SLC39A11: variants seen among roughly 807,000 people sequenced by gnomAD.
SLC39A11 encodes the protein zinc transporter ZIP11.
A neutral mutation model predicts 36.1 loss-of-function variants in SLC39A11; 33 were observed. That is an observed-to-expected ratio of 0.91 (90% CI 0.69 to 1.22). The LOEUF is 1.22. SLC39A11 is among the 50% of genes most tolerant of loss of function. The probability of loss-of-function intolerance (pLI) is 0.00; values close to 1 mark genes in which losing one functional copy is unlikely to be tolerated. For missense variants in SLC39A11, 432 were observed against 430.3 expected, an observed-to-expected ratio of 1.00 and a Z score of -0.03; for synonymous variants, 166 against 170.3, an observed-to-expected ratio of 0.97 and a Z score of 0.20.
At chr17:72,973,428 C>A (rs540086811) in intron 4 of SLC39A11, among the ~76,000 whole-genome samples, 1 of 152,168 alleles carries the variant, frequency 6.6e-6, no homozygotes, top group Admixed American at 6.5e-5. Context: ...GGGACAACCT[C>A]CCTGATGACT....
At position 73,065,793 on chromosome 17, in the gene SLC39A11, A is replaced by G. The variant is rs370410640; in HGVS notation, c.147+19015T>C. Among the ~76,000 whole-genome samples, 6 of 152,304 alleles carry G rather than the reference A, an allele frequency of 3.9e-5. No individual in the cohort carries two copies. In the East Asian group the frequency reaches 5.8e-4, roughly 15 times the overall value. ...CACATTAGGCTTAACTGGGGCTTCA[A>G]ATTTTTTCCACCAATGTTTAAGTTA... On this transcript the variant is annotated intron_variant, in intron 3 of 9. Transcript: ENST00000255559.
At chr17:72,833,123 C>T (rs2078359105) in intron 6 of SLC39A11, among the ~76,000 whole-genome samples, 1 of 152,348 alleles carries the variant, frequency 6.6e-6, no homozygotes, top group South Asian at 2.1e-4. Flanking sequence ...TTCCCTCTTG[C>T]CTGGTCTCCA....
At position 72,900,148 on chromosome 17, in the gene SLC39A11, GAAAGA is replaced by G. The variant is rs2082282571; in HGVS notation, c.430+47599_430+47603del. Among the ~76,000 whole-genome samples the G allele has an allele frequency of 6.8e-4, 66 of 96,634 alleles. 5 individuals carry two copies. The highest frequency in any genetic ancestry group is 2.1e-3 in the African/African-American group (49 of 22,878). 63.4% of individuals were successfully genotyped at this position (96,634 alleles called of 152,430 possible). Reference sequence around the variant, plus strand: ...AAAGAAAGAAAGAAAGAAAAAGAAAGAAAGAAAAGAAAGAAAGAAAGAAAGAAAGA... The same window carrying G: ...AAAGAAAGAAAGAAAGAAAAAGAAAGAAAGAAAGAAAGAAAGAAAGAAAGA... On this transcript the variant is annotated intron_variant, in intron 5 of 9. Coordinates refer to ENST00000255559, the MANE Select transcript of SLC39A11 (RefSeq NM_139177.4).
chr17:72,675,826 C>T (rs989608708), intron 7 of SLC39A11, among the ~76,000 whole-genome samples: 14 of 152,150 alleles, frequency 9.2e-5, no homozygotes, highest in East Asian at 1.9e-4. Flanking sequence ...ATTACAAGCA[C>T]GTACCACCAT....
intron 2 of SLC39A11, among the ~76,000 whole-genome samples, chr17:73,085,557 C>T (rs1304876640): frequency 1.3e-5 from 2 of 151,028 alleles, no homozygotes; most frequent in African/African-American, 4.9e-5. Flanking sequence ...CAGGAGAATC[C>T]CTTGAACTCG....
intron 7 of SLC39A11, among the ~76,000 whole-genome samples, chr17:72,720,719 G>C (rs561149492): frequency 1.3e-5 from 2 of 152,256 alleles, no homozygotes; most frequent in African/African-American, 4.8e-5. Context: ...AATCCACTGA[G>C]GTAGATACTA....
intron 6 of SLC39A11, among the ~76,000 whole-genome samples, chr17:72,752,402 G>A (rs919022823): frequency 1.3e-5 from 2 of 151,946 alleles, no homozygotes; most frequent in South Asian, 2.1e-4. Flanking sequence ...GCACCACCAC[G>A]CCCAGCTAAC....
chr17:72,816,432 T>G (rs1248545821), intron 6 of SLC39A11, among the ~76,000 whole-genome samples: 1 of 123,420 alleles, frequency 8.1e-6, no homozygotes, highest in Non-Finnish European at 1.7e-5. Flanking sequence ...CACATCCAAT[T>G]CCCTTTCTTA....
rs148145673 is a variant in SLC39A11 at position 72,699,031 on chromosome 17, A to G, written c.671+37619T>C. On this transcript the variant is annotated intron_variant, in intron 7 of 9. Transcript: ENST00000255559. ...TTTTTAGTAGAGACGGGGTTTCACCATGTTAGCCAGGATGGTCTCGATCTC... is the reference window on the plus strand; with the variant it reads ...TTTTTAGTAGAGACGGGGTTTCACCGTGTTAGCCAGGATGGTCTCGATCTC... Among the ~76,000 whole-genome samples the G allele has an allele frequency of 5.2e-3, 794 of 152,194 alleles. 8 individuals carry two copies. Among genetic ancestry groups the G allele is most frequent in the South Asian group, 0.021 (103 of 4,812 alleles).
At chr17:72,900,211 AAGAAAGAAAGAAAG>A in intron 5 of SLC39A11, among the ~76,000 whole-genome samples, 1 of 149,142 alleles carries the variant, frequency 6.7e-6, no homozygotes, top group Non-Finnish European at 1.5e-5. Context: ...GAAAGAAAGA[AAGAAAGAAAGAAAG>A]AAAGAAAAAG....
At chr17:72,749,504 G>A (rs2075068452) in intron 6 of SLC39A11, among the ~76,000 whole-genome samples, 2 of 152,220 alleles carry the variant, frequency 1.3e-5, no homozygotes, top group South Asian at 4.1e-4. Context: ...AACCTAAGCA[G>A]CTCTGTAAAT....
At chr17:72,959,331 A>G (rs1046173548) in intron 4 of SLC39A11, among the ~76,000 whole-genome samples, 1,966 of 57,744 alleles carry the variant, frequency 0.034, 19 homozygotes, top group Non-Finnish European at 0.037. Flanking sequence ...GTGTGTATAT[A>G]TATATATATA....
At chr17:72,662,527 AAG>A (rs2070487522) in intron 7 of SLC39A11, among the ~76,000 whole-genome samples, 1 of 77,744 alleles carries the variant, frequency 1.3e-5, no homozygotes, top group Non-Finnish European at 2.9e-5. Context: ...AAGAAAGAGA[AAG>A]AAAGAGAGAA....
chr17:72,827,732 A>G (rs968669942), intron 6 of SLC39A11, among the ~76,000 whole-genome samples: 25 of 152,320 alleles, frequency 1.6e-4, no homozygotes, highest in African/African-American at 5.5e-4. Flanking sequence ...GGAAGGAATA[A>G]CTGTCTTTAA....
intron 3 of SLC39A11, among the ~76,000 whole-genome samples, chr17:73,079,896 T>C (rs964275310): frequency 6.6e-6 from 1 of 151,968 alleles, no homozygotes; most frequent in African/African-American, 2.4e-5. Flanking sequence ...CCTTTTACAA[T>C]AGCTGCAAAA....
chr17:72,874,296 G>A (rs1001268179), intron 5 of SLC39A11, among the ~76,000 whole-genome samples: 2 of 152,144 alleles, frequency 1.3e-5, no homozygotes, highest in Non-Finnish European at 2.9e-5. Context: ...TTGCTCCAAA[G>A]CAAAGAGAAA....
At chr17:72,740,143 A>G (rs966363473) in intron 6 of SLC39A11, among the ~76,000 whole-genome samples, 3 of 137,492 alleles carry the variant, frequency 2.2e-5, no homozygotes, top group Non-Finnish European at 4.5e-5. Flanking sequence ...GCTCACTGCA[A>G]GCTCCACCTC....
At chr17:72,845,150 C>T (rs1374481695) in intron 6 of SLC39A11, among the ~76,000 whole-genome samples, 1 of 152,218 alleles carries the variant, frequency 6.6e-6, no homozygotes, top group Non-Finnish European at 1.5e-5. Context: ...AGTCCCATCT[C>T]AATTCAGTAT....
chr17:72,668,623 A>G (rs1053472683), intron 7 of SLC39A11, among the ~76,000 whole-genome samples: 1 of 152,212 alleles, frequency 6.6e-6, no homozygotes, highest in Non-Finnish European at 1.5e-5. Context: ...GAGCACAACC[A>G]CAGCTATGAA....
Sources: gnomAD v4.1 joint callset for allele counts (sites outside exome capture counted in the v4.1 genomes callset) on GRCh38, gnomAD v4.1.1 for gene constraint, MANE v1.5 for transcripts, NCBI Gene and HGNC (gene_info 2026-07-23, HGNC 2026-07-21) for gene names.